PRRC2B: variants seen among roughly 807,000 people sequenced by gnomAD.
PRRC2B encodes protein PRRC2B.
PRRC2B carries 68 observed loss-of-function variants against 242.3 expected under a neutral mutation model. That is an observed-to-expected ratio of 0.28 (90% confidence interval 0.23 to 0.34). The LOEUF (loss-of-function observed/expected upper bound fraction) is 0.34, where lower values mean the gene tolerates loss of function less well. Ranked by LOEUF, PRRC2B falls within the 10% of genes least tolerant of loss-of-function variation. PRRC2B has a pLI of 1.00. For missense variants in PRRC2B, 2,835 were observed against 2,954.8 expected (o/e 0.96, Z 0.94); for synonymous variants, 1,228 against 1,173.6 (o/e 1.05, Z -0.95).
At position 131,495,859 on chromosome 9, in the gene PRRC2B, G is replaced by C; in HGVS notation, c.6675G>C (p.Glu2225Asp). ...GAIKPRAVKV[E>D]ESKA ...TCAAGCCTCGGGCTGTCAAAGTGGAGGAGAGTAAGGCCTGACAGTGCCTGG... is the reference window on the plus strand; with the variant it reads ...TCAAGCCTCGGGCTGTCAAAGTGGACGAGAGTAAGGCCTGACAGTGCCTGG... The change falls in exon 32 of 32, where the codon GAG becomes GAC. Residue 2225 changes from glutamate (E) to aspartate (D), a missense_variant. Around this residue, in one of 7 missense-constraint regions of PRRC2B, gnomAD observed 574 missense variants for 626.0 expected, o/e 0.92. Transcript: ENST00000683519. 1 of 1,608,852 alleles carries C rather than the reference G, an allele frequency of 6.2e-7. No individual in the cohort carries two copies. The highest frequency in any genetic ancestry group is 1.3e-5 in the African/African-American group (1 of 74,968).
chr9:131,455,568 G>T (rs1943049493), intron 10 of PRRC2B, among the ~76,000 whole-genome samples: 1 of 147,776 alleles, frequency 6.8e-6, no homozygotes, highest in South Asian at 2.2e-4. Context: ...CCAGGCTGGA[G>T]TGCGGTGGCA....
intron 12 of PRRC2B, among the ~76,000 whole-genome samples, chr9:131,466,047 A>G (rs905604381): frequency 1.3e-5 from 2 of 152,234 alleles, no homozygotes; most frequent in African/African-American, 4.8e-5. Flanking sequence ...TTTAAGAGTA[A>G]TGAAGCAGTG....
rs1943898981 is a variant in PRRC2B, at chr9:131,482,524, A to G, written c.5137A>G (p.Ser1713Gly). Residue 1713 changes from serine to glycine, a missense_variant, in exon 21 of 32, where the codon AGC (serine) becomes GGC (glycine). By Grantham distance (56) the Ser-to-Gly change is moderately conservative (BLOSUM62 0). This residue lies in a region of PRRC2B where 51 missense variants were observed against 45.1 expected (regional missense o/e 1.13). Transcript: ENST00000683519. This position sits in a 1 kb window ranked among gnomAD's most constrained non-coding sequence, Gnocchi z 5.2. ...CGGCCTGGCGGAACCCAAGGCCGACAGCCACAAGGAGCAGGCTCCAAAGCC... is the reference window on the plus strand; with the variant it reads ...CGGCCTGGCGGAACCCAAGGCCGACGGCCACAAGGAGCAGGCTCCAAAGCC... ...GPGLAEPKAD[S>G]HKEQAPKPSE... The G allele has an allele frequency of 6.2e-7, 1 of 1,609,002 alleles. No individual in the cohort carries two copies. The highest frequency in any genetic ancestry group is 8.5e-7 in the Non-Finnish European group (1 of 1,176,294).
chr9:131,400,370 G>C (rs2994061), intron 1 of PRRC2B, among the ~76,000 whole-genome samples: 144,714 of 151,814 alleles, frequency 0.95, 69,357 homozygotes, highest in East Asian at 1. Context: ...GCAGGCTGGA[G>C]TGCAGCCGTG....
intron 1 of PRRC2B, among the ~76,000 whole-genome samples, chr9:131,388,431 G>A (rs1435275380): frequency 6.7e-6 from 1 of 149,218 alleles, no homozygotes; most frequent in Non-Finnish European, 1.5e-5. Flanking sequence ...GTAGAGATGG[G>A]GTTTCACCAT....
intron 12 of PRRC2B, among the ~76,000 whole-genome samples, chr9:131,467,359 C>G (rs1943426213): frequency 1.3e-5 from 2 of 152,208 alleles, no homozygotes; most frequent in South Asian, 4.1e-4. Flanking sequence ...AAGGTGACAA[C>G]AGGTGAAGCC....
intron 3 of PRRC2B, among the ~76,000 whole-genome samples, chr9:131,436,113 C>G (rs1838360321): frequency 6.6e-6 from 1 of 152,210 alleles, no homozygotes; most frequent in Non-Finnish European, 1.5e-5. Context: ...GATTGAATTT[C>G]CCTATTGGCA....
chr9:131,472,061 C>T (rs540207815), intron 14 of PRRC2B, among the ~76,000 whole-genome samples: 2 of 152,042 alleles, frequency 1.3e-5, no homozygotes, highest in Non-Finnish European at 2.9e-5. Context: ...TTATGTAGTA[C>T]CTTTGTTGTC....
In PRRC2B at chr9:131,416,759, G is replaced by C. The variant is rs183488250; in HGVS notation, c.-51-13335G>C. On this transcript the variant is annotated intron_variant, in intron 1 of 31. Transcript: ENST00000683519. ...TCAGATATTTGGTAGAATGTTCCTC[G>C]ATTTGGGATTTGTCGGATGCTTTCT... is the stretch of plus-strand genomic sequence containing the variant. Among the ~76,000 whole-genome samples, 77 of 152,108 alleles carry C rather than the reference G, an allele frequency of 5.1e-4. 1 individual carries two copies. The East Asian group carries it at 0.011, about 22-fold the overall frequency.
At chr9:131,380,836 C>G (rs1239268738) in intron 1 of PRRC2B, among the ~76,000 whole-genome samples, 1 of 138,272 alleles carries the variant, frequency 7.2e-6, no homozygotes, top group Non-Finnish European at 1.5e-5. Context: ...TGAGATCACA[C>G]TACTGCACTC....
rs188648359 is a variant in PRRC2B, at chr9:131,400,449, C to T, written c.-52+6186C>T. Reference sequence around the variant, plus strand: ...TTCTCGTGCCTCAGCCTTCGAGTAGCTGGGATTACAGGCGTGCACCACCAC... The same window carrying T: ...TTCTCGTGCCTCAGCCTTCGAGTAGTTGGGATTACAGGCGTGCACCACCAC... On this transcript the variant is annotated intron_variant, in intron 1 of 31. Transcript: ENST00000683519. 4.2e-3 allele frequency among the ~76,000 whole-genome samples: 640 copies of T among 152,040 alleles called. 2 individuals are homozygous for T. Among genetic ancestry groups the T allele is most frequent in the Admixed American group, 7.7e-3 (118 of 15,270 alleles).
At chr9:131,457,848 GTCCCCTCTGTAATTT>G (rs906511553) in intron 10 of PRRC2B, among the ~76,000 whole-genome samples, 23 of 152,158 alleles carry the variant, frequency 1.5e-4, no homozygotes, top group Non-Finnish European at 2.8e-4. Flanking sequence ...TGTAATTGTT[GTCCCCTCTGTAATTT>G]TCCCCTCTGT....
rs1261175073 is a variant in PRRC2B at position 131,475,315 on chromosome 9, ACAGGCC to A, written c.3188_3193del (p.Gln1063_Ala1064del). ...AGGAGCAAGCCTTTGGGGTCAGAGGACAGGCCCGGGGCCGGGGCCGTGGTTTCAGAG... is the reference window on the plus strand; with the variant it reads ...AGGAGCAAGCCTTTGGGGTCAGAGGACGGGGCCGGGGCCGTGGTTTCAGAG... On this transcript the variant is annotated inframe_deletion, in exon 16 of 32. Coordinates refer to ENST00000683519, the MANE Select transcript of PRRC2B (RefSeq NM_013318.4). 2 of 1,600,790 alleles carry A rather than the reference ACAGGCC, an allele frequency of 1.2e-6. No individual in the cohort carries two copies. Among genetic ancestry groups the A allele is most frequent in the Non-Finnish European group, 8.5e-7 (1 of 1,174,524 alleles).
chr9:131,485,823 G>A lies in PRRC2B; in HGVS notation c.5759-262G>A. 5.6e-6 allele frequency: 4 copies of A among 717,892 alleles called. No homozygotes were observed. The Middle Eastern group carries it at 7.2e-4, about 129-fold the overall frequency. The allele number at this position is 717,892 out of a possible 1,614,324, so 44.5% of individuals were successfully genotyped here. On this transcript the variant is annotated intron_variant, in intron 25 of 31. Coordinates refer to ENST00000683519, the MANE Select transcript of PRRC2B (RefSeq NM_013318.4). The stretch of plus-strand genomic sequence containing the variant: ...TAGTTGGTGAGTGGGAGGTGGGAAG[G>A]GTAGGCCAGAGCCCACCTGCCTCCT...
At chr9:131,420,508 T>TCCTTCC (rs1837807733) in intron 1 of PRRC2B, among the ~76,000 whole-genome samples, 2 of 129,504 alleles carry the variant, frequency 1.5e-5, no homozygotes. Flanking sequence ...TTTTTTTTTT[T>TCCTTCC]TTGAGATGGA....
chr9:131,416,025 G>A (rs78453797), intron 1 of PRRC2B, among the ~76,000 whole-genome samples: 6,038 of 151,920 alleles, frequency 0.04, 368 homozygotes, highest in African/African-American at 0.13. Flanking sequence ...TTGATTTTGG[G>A]GGTAGGATGT....
intron 1 of PRRC2B, among the ~76,000 whole-genome samples, chr9:131,380,732 G>C (rs890115703): frequency 1.3e-5 from 2 of 151,702 alleles, no homozygotes; most frequent in African/African-American, 4.8e-5. Context: ...CAAAAAATTA[G>C]CTGGGCATGG....
chr9:131,453,723 T>C (rs1942991588), intron 9 of PRRC2B, among the ~76,000 whole-genome samples: 3 of 152,176 alleles, frequency 2.0e-5, no homozygotes, highest in Non-Finnish European at 4.4e-5. Context: ...AGTAGAGATA[T>C]GGTTTCGCCA....
At chr9:131,483,276 C>T (rs1052083624) in intron 22 of PRRC2B, 83 bp from the exon 23 acceptor site, 2 of 1,318,356 alleles carry the variant, frequency 1.5e-6, no homozygotes, top group African/African-American at 1.5e-5. Flanking sequence ...GTCGGGGAAA[C>T]TGCATCACGT....
Sources: allele counts gnomAD v4.1 joint callset (sites outside exome capture counted in the v4.1 genomes callset), GRCh38; gene constraint gnomAD v4.1.1; regional missense constraint gnomAD v4.1.1; non-coding constraint Gnocchi (gnomAD v3.1); transcripts MANE v1.5; gene names NCBI Gene and HGNC (gene_info 2026-07-23, HGNC 2026-07-21).